CDC37: variants seen among roughly 807,000 people sequenced by gnomAD.
CDC37 encodes the protein hsp90 co-chaperone Cdc37.
A neutral mutation model predicts 46.9 loss-of-function variants in CDC37; 9 were observed. That is an observed-to-expected ratio of 0.19 (90% confidence interval 0.12 to 0.33). The LOEUF (loss-of-function observed/expected upper bound fraction) is 0.33, where lower values mean the gene tolerates loss of function less well. Ranked by LOEUF, CDC37 falls within the 10% of genes least tolerant of loss-of-function variation. CDC37 has a pLI of 1.00. For synonymous variants in CDC37, 193 were observed against 191.0 expected, an observed-to-expected ratio of 1.01 and a Z score of -0.09; for missense variants, 388 against 514.6, an observed-to-expected ratio of 0.75 and a Z score of 2.38.
In CDC37 at chr19:10,398,112, A is replaced by G. The variant is rs2042501392; in HGVS notation, c.103-1909T>C. On this transcript the variant is annotated intron_variant, in intron 1 of 7. Coordinates refer to ENST00000222005, the MANE Select transcript of CDC37 (RefSeq NM_007065.4). The surrounding 1 kb of genome is among the most constrained non-coding windows in gnomAD (Gnocchi z 4.2). ...TGCTGACCCTCTCCAATCCAGGCACAGCTGCCACCAGGGAGGCCTGTGAAG... is the reference window on the plus strand; with the variant it reads ...TGCTGACCCTCTCCAATCCAGGCACGGCTGCCACCAGGGAGGCCTGTGAAG... Among the ~76,000 whole-genome samples, 1 of 152,180 alleles carries G rather than the reference A, an allele frequency of 6.6e-6. No individual in the cohort carries two copies. Among genetic ancestry groups the G allele is most frequent in the Non-Finnish European group, 1.5e-5 (1 of 68,038 alleles).
rs377317629 is a variant in CDC37, at chr19:10,403,504, C to A, written c.-25G>T. On this transcript the variant is annotated 5_prime_UTR_variant, in exon 1 of 8. Transcript: ENST00000222005. ...TCTTGCCTTGGCGGCCCAGCCCGCT[C>A]CGGCTCGGGTGGCGGCGACGGCGGC... 8 of 1,578,372 alleles carry A rather than the reference C, an allele frequency of 5.1e-6. No homozygotes were observed. The highest frequency in any genetic ancestry group is 1.3e-5 in the African/African-American group (1 of 74,450).
intron 5 of CDC37, among the ~76,000 whole-genome samples, chr19:10,394,657 C>T (rs1462305575): frequency 6.6e-6 from 1 of 152,076 alleles, no homozygotes; most frequent in Non-Finnish European, 1.5e-5. Context: ...CTGCCTCAGC[C>T]CCCCGAGTAG....
Position 10,393,903 on chromosome 19 carries a change from A to C in CDC37, c.727-462T>G, listed in dbSNP as rs1238035638. On this transcript the variant is annotated intron_variant, in intron 5 of 7. Transcript: ENST00000222005. The surrounding 1 kb of genome is among the most constrained non-coding windows in gnomAD (Gnocchi z 4.9). The stretch of plus-strand genomic sequence containing the variant: ...TCAGGAGTTCGAAAACATCCTGGCT[A>C]ACACGGTGAAACCCCGTCTCTACTA... The C allele has an allele frequency of 1.3e-5, 2 of 155,066 alleles. No individual in the cohort carries two copies. Among genetic ancestry groups the C allele is most frequent in the African/African-American group, 4.8e-5 (2 of 41,496 alleles). 9.6% of individuals were successfully genotyped at this position (155,066 alleles called of 1,614,324 possible).
At position 10,395,012 on chromosome 19, in the gene CDC37, G is replaced by A; in HGVS notation, c.726+9C>T. 2 of 1,514,848 alleles carry A rather than the reference G, an allele frequency of 1.3e-6. No individual in the cohort carries two copies. Among genetic ancestry groups the A allele is most frequent in the Non-Finnish European group, 1.8e-6 (2 of 1,133,544 alleles). 93.8% of individuals were successfully genotyped at this position (1,514,848 alleles called of 1,614,324 possible). The stretch of plus-strand genomic sequence containing the variant: ...GGCCTCCAGCCACCTGGCAGCTCAG[G>A]GACCCTACCTTAATCTTAGTGAAGA... On this transcript the variant is annotated intron_variant, in intron 5 of 7. Transcript: ENST00000222005.
chr19:10,395,209 C>T lies in CDC37; in HGVS notation c.603+19G>A, dbSNP rs372486429. 1.4e-5 allele frequency: 23 copies of T among 1,614,014 alleles called. No homozygotes were observed. The highest frequency in any genetic ancestry group is 1.9e-5 in the Non-Finnish European group (22 of 1,179,956). Reference sequence around the variant, plus strand: ...TCATGGCAGCGCCTTTTCACAGTCCCGGGGAAAGCTCCACTCACCTCCTCC... The same window carrying T: ...TCATGGCAGCGCCTTTTCACAGTCCTGGGGAAAGCTCCACTCACCTCCTCC... On this transcript the variant is annotated intron_variant, in intron 4 of 7. Coordinates refer to ENST00000222005, the MANE Select transcript of CDC37 (RefSeq NM_007065.4).
chr19:10,395,859 G>T, intron 2 of CDC37, 69 bp downstream of exon 2: 1 of 1,541,042 alleles, frequency 6.5e-7, no homozygotes. Flanking sequence ...GGCATTGGGT[G>T]CGCATGCGTC....
Position 10,391,631 on chromosome 19 carries a change from C to T in CDC37, c.1057G>A (p.Glu353Lys), listed in dbSNP as rs910099011. The T allele has an allele frequency of 1.9e-5, 31 of 1,614,214 alleles. No homozygotes were observed. Among genetic ancestry groups the T allele is most frequent in the Non-Finnish European group, 2.4e-5 (28 of 1,180,026 alleles). Residue 353 changes from glutamate (E) to lysine (K), a missense_variant, in exon 8 of 8, where the codon GAG (glutamate) becomes AAG (lysine). Physicochemically the swap from Glu to Lys is moderately conservative, Grantham distance 56. This residue lies in a region of CDC37 where 374 missense variants were observed against 467.4 expected (regional missense o/e 0.80). Transcript: ENST00000222005. ...TCCCCAGGACCTGCCTCCTCTCCCTCCTTGGCCTCGCTGGCCTTAGAGTTG... is the reference window on the plus strand; with the variant it reads ...TCCCCAGGACCTGCCTCCTCTCCCTTCTTGGCCTCGCTGGCCTTAGAGTTG... ...VPNSKASEAK[E>K]GEEAGPGDPL... is the part of the protein sequence containing the mutation.
chr19:10,397,415 CTTTTTTTTTTTT>C, intron 1 of CDC37, among the ~76,000 whole-genome samples: 1 of 86,832 alleles, frequency 1.2e-5, no homozygotes, highest in African/African-American at 5.3e-5. Flanking sequence ...CCAAGCCTGG[CTTTTTTTTTTTT>C]TTTTTTTTTT....
intron 1 of CDC37, chr19:10,400,652 A>G (rs1336440670): frequency 6.6e-6 from 1 of 152,016 alleles, no homozygotes; most frequent in Non-Finnish European, 1.5e-5. Context: ...GTGAGCTGAG[A>G]TGGCGCCACT....
At chr19:10,392,337 T>C (rs963258163) in intron 7 of CDC37, among the ~76,000 whole-genome samples, 1 of 152,166 alleles carries the variant, frequency 6.6e-6, no homozygotes, top group Non-Finnish European at 1.5e-5. Flanking sequence ...AGACAGGCAG[T>C]GAGTCTGGGA....
rs149397417 is a variant in CDC37 at position 10,398,266 on chromosome 19, G to A, written c.103-2063C>T. Among the ~76,000 whole-genome samples, 6 of 152,198 alleles carry A rather than the reference G, an allele frequency of 3.9e-5. No individual in the cohort carries two copies. The highest frequency in any genetic ancestry group is 1.2e-4 in the African/African-American group (5 of 41,440). Reference sequence around the variant, plus strand: ...CAGATACTGGCCCTCATCGTTCCCCGAAAGTACGGGCTCTGTCTTGCCTCT... The same window carrying A: ...CAGATACTGGCCCTCATCGTTCCCCAAAAGTACGGGCTCTGTCTTGCCTCT... On this transcript the variant is annotated intron_variant, in intron 1 of 7. Coordinates refer to ENST00000222005, the MANE Select transcript of CDC37 (RefSeq NM_007065.4). This position sits in a 1 kb window ranked among gnomAD's most constrained non-coding sequence, Gnocchi z 4.2.
chr19:10,397,957 G>A (rs996080212), intron 1 of CDC37, among the ~76,000 whole-genome samples: 2 of 152,036 alleles, frequency 1.3e-5, no homozygotes, highest in East Asian at 1.9e-4. Flanking sequence ...GGGCCCCATC[G>A]GATTGTACAG....
intron 1 of CDC37, among the ~76,000 whole-genome samples, chr19:10,403,127 A>G (rs1278427393): frequency 6.6e-6 from 1 of 152,080 alleles, no homozygotes; most frequent in African/African-American, 2.4e-5. Flanking sequence ...CAGACTATGA[A>G]GAAGTTCTAG....
rs149499190 is a variant in CDC37 at position 10,393,320 on chromosome 19, C to T, written c.848G>A (p.Arg283His). ...GCCGCCGGGGCCGAGCCGCTTCTTG[C>T]GCTCCTCCTCCTCGTACTCCTTCAT... ...KAMKEYEEEERKKRLGPGGLD... is the reference protein window; with the variant it reads ...KAMKEYEEEEHKKRLGPGGLD... Residue 283 changes from arginine to histidine, a missense_variant, in exon 6 of 8, where the codon CGC (arginine) becomes CAC (histidine). Physicochemically the swap from Arg to His is conservative, Grantham distance 29. This residue lies in a region of CDC37 where 374 missense variants were observed against 467.4 expected (regional missense o/e 0.80). Coordinates refer to ENST00000222005, the MANE Select transcript of CDC37 (RefSeq NM_007065.4). The surrounding 1 kb of genome is among the most constrained non-coding windows in gnomAD (Gnocchi z 4.9). The T allele has an allele frequency of 2.5e-6, 4 of 1,613,902 alleles. No homozygotes were observed. Among genetic ancestry groups the T allele is most frequent in the African/African-American group, 2.7e-5 (2 of 74,996 alleles).
chr19:10,392,976 G>T, intron 7 of CDC37, 110 bp downstream of exon 7: 1 of 937,340 alleles, frequency 1.1e-6, no homozygotes, highest in Non-Finnish European at 1.7e-6. Context: ...CTTACTCCTT[G>T]GAGAAGCCTT....
chr19:10,398,070 G>A lies in CDC37; in HGVS notation c.103-1867C>T, dbSNP rs187761858. ...TAATCAAACCCTGAAACCCTGAAAC[G>A]TGCCACCACCTTCAATTGCTGACCC... On this transcript the variant is annotated intron_variant, in intron 1 of 7. Coordinates refer to ENST00000222005, the MANE Select transcript of CDC37 (RefSeq NM_007065.4). The surrounding 1 kb of genome is among the most constrained non-coding windows in gnomAD (Gnocchi z 4.2). 1.2e-4 allele frequency among the ~76,000 whole-genome samples: 18 copies of A among 152,204 alleles called. No individual in the cohort carries two copies. The highest frequency in any genetic ancestry group is 3.4e-4 in the African/African-American group (14 of 41,542).
In CDC37 at chr19:10,403,541, C is replaced by T. The variant is rs914289636; in HGVS notation, c.-62G>A. On this transcript the variant is annotated 5_prime_UTR_variant, in exon 1 of 8. Transcript: ENST00000222005. ...GCGGCGACGGCGGCAGCAGTGGAGA[C>T]TAGGAGCGCGGAGCCCCGCCCCTTC... is the stretch of plus-strand genomic sequence containing the variant. 3 of 1,290,018 alleles carry T rather than the reference C, an allele frequency of 2.3e-6. No homozygotes were observed. The highest frequency in any genetic ancestry group is 2.9e-5 in the African/African-American group (2 of 68,928). The allele number at this position is 1,290,018 out of a possible 1,614,324, so 79.9% of individuals were successfully genotyped here. A position where few individuals can be genotyped will look rare whatever the true frequency, so the allele number is the denominator to read the frequency against.
intron 1 of CDC37, among the ~76,000 whole-genome samples, chr19:10,399,463 GAAAAAAAAAAA>G (rs55717539): frequency 2.6e-5 from 1 of 38,156 alleles, no homozygotes. Context: ...GACCCTGTCT[GAAAAAAAAAAA>G]AAAAAAAAAA....
chr19:10,392,095 C>T (rs1383301252), intron 7 of CDC37, among the ~76,000 whole-genome samples: 2 of 152,302 alleles, frequency 1.3e-5, no homozygotes, highest in Middle Eastern at 3.4e-3. Context: ...AGCCACCGTA[C>T]CCAGCTGGAA....
Sources: gnomAD v4.1 joint callset for allele counts (sites outside exome capture counted in the v4.1 genomes callset) on GRCh38, gnomAD v4.1.1 for gene constraint, gnomAD v4.1.1 regional missense constraint, Gnocchi (gnomAD v3.1) non-coding constraint, MANE v1.5 for transcripts, NCBI Gene and HGNC (gene_info 2026-07-23, HGNC 2026-07-21) for gene names.